The following WWP1 variants were observed in gnomAD, a reference collection of about 807,000 sequenced individuals.
WWP1 encodes the protein WW domain containing E3 ubiquitin protein ligase 1.
In WWP1, 49 loss-of-function variants were observed where a neutral mutation model predicts 130.6. The observed-to-expected ratio is 0.38, with a 90% CI of 0.30 to 0.48. The LOEUF (loss-of-function observed/expected upper bound fraction) is 0.48. Among genes scored for constraint, WWP1 ranks in the 20% least tolerant of loss-of-function variants. WWP1 has a pLI of 0.99. For synonymous variants in WWP1, 332 were observed against 367.8 expected (o/e 0.90, Z 1.11); for missense variants, 809 against 1,100.6 (o/e 0.74, Z 3.75).
intron 9 of WWP1, among the ~76,000 whole-genome samples, chr8:86,414,300 CAG>C (rs545694554): frequency 5.1e-4 from 77 of 151,872 alleles, no homozygotes; most frequent in South Asian, 3.1e-3. Context: ...CTGGTATACA[CAG>C]AGATATTTAT....
chr8:86,369,955 T>C (rs1283693512), intron 2 of WWP1, among the ~76,000 whole-genome samples: 1 of 152,024 alleles, frequency 6.6e-6, no homozygotes, highest in East Asian at 1.9e-4. Flanking sequence ...ATGTAACATA[T>C]GCAAGTCAAT....
At chr8:86,388,873 A>G (rs1385734525) in intron 5 of WWP1, among the ~76,000 whole-genome samples, 2 of 152,018 alleles carry the variant, frequency 1.3e-5, no homozygotes, top group Admixed American at 6.5e-5. Flanking sequence ...TTGCTTTTTA[A>G]TTTTATATTC....
intron 12 of WWP1, among the ~76,000 whole-genome samples, 188 bp downstream of exon 12, chr8:86,430,939 A>C (rs530360650): frequency 2.7e-3 from 386 of 140,684 alleles, no homozygotes; most frequent in African/African-American, 9.4e-3. Flanking sequence ...TCTATATATT[A>C]TATATTCTGT....
intron 3 of WWP1, among the ~76,000 whole-genome samples, chr8:86,380,339 A>G (rs1402064798): frequency 2.0e-5 from 3 of 151,776 alleles, no homozygotes; most frequent in African/African-American, 7.3e-5. Context: ...GTGGCTGCCT[A>G]GGGATGGGGG....
At chr8:86,377,929 A>T (rs139382408) in intron 3 of WWP1, among the ~76,000 whole-genome samples, 2 of 152,272 alleles carry the variant, frequency 1.3e-5, no homozygotes, top group East Asian at 3.9e-4. Context: ...TGTGAATTAT[A>T]GACTTCATTC....
Position 86,402,078 on chromosome 8 carries a change from A to G in WWP1, c.599A>G (p.Gln200Arg), listed in dbSNP as rs757693639. Residue 200 changes from glutamine to arginine, a missense_variant, in exon 8 of 25, where the codon CAA becomes CGA. This residue lies in a region of WWP1 where 262 missense variants were observed against 346.0 expected (regional missense o/e 0.76). Transcript: ENST00000517970. ...CATGTACCTACAAGCACTCTAGTCCAAAACTCATGCTGCTCGTATGTAGTT... is the reference window on the plus strand; with the variant it reads ...CATGTACCTACAAGCACTCTAGTCCGAAACTCATGCTGCTCGTATGTAGTT... Reference protein sequence around the residue: ...DNHVPTSTLVQNSCCSYVVNG... With the variant: ...DNHVPTSTLVRNSCCSYVVNG... 7 of 1,614,100 alleles carry G rather than the reference A, an allele frequency of 4.3e-6. No individual in the cohort carries two copies. Among genetic ancestry groups the G allele is most frequent in the Non-Finnish European group, 5.9e-6 (7 of 1,179,980 alleles).
At chr8:86,423,976 CTTA>C (rs1337276594) in intron 9 of WWP1, among the ~76,000 whole-genome samples, 11 of 3,348 alleles carry the variant, frequency 3.3e-3, no homozygotes, top group Non-Finnish European at 7.7e-3. Context: ...TAAGTTAGCG[CTTA>C]TGGGGCTGCC....
chr8:86,449,488 T>C (rs1443583010), intron 20 of WWP1, among the ~76,000 whole-genome samples: 1 of 152,240 alleles, frequency 6.6e-6, no homozygotes, highest in African/African-American at 2.4e-5. Context: ...TTTGTATAAT[T>C]TTCATGTCCC....
intron 3 of WWP1, among the ~76,000 whole-genome samples, chr8:86,376,974 G>A (rs1824692624): frequency 6.6e-6 from 1 of 152,178 alleles, no homozygotes. Flanking sequence ...TTGTCAGTGA[G>A]GACACTGAGA....
chr8:86,405,209 T>C (rs1461108486), intron 8 of WWP1: 2 of 152,212 alleles, frequency 1.3e-5, no homozygotes, highest in Non-Finnish European at 2.9e-5. Flanking sequence ...TTTCAAAAAT[T>C]AGCTTTTGTT....
In WWP1 at chr8:86,407,340, C is replaced by A. The variant is rs1434618798; in HGVS notation, c.725-4198C>A. Reference sequence around the variant, plus strand: ...TGCAACTACCATAGGCTGCACACTGCCAGGTGGATGGGCACATAGGTATCA... The same window carrying A: ...TGCAACTACCATAGGCTGCACACTGACAGGTGGATGGGCACATAGGTATCA... On this transcript the variant is annotated intron_variant, in intron 8 of 24. Coordinates refer to ENST00000517970, the MANE Select transcript of WWP1 (RefSeq NM_007013.4). Among the ~76,000 whole-genome samples the A allele has an allele frequency of 1.1e-4, 17 of 152,216 alleles. No homozygotes were observed. In the East Asian group the frequency reaches 3.1e-3, roughly 28 times the overall value.
intron 21 of WWP1, among the ~76,000 whole-genome samples, chr8:86,457,039 T>C (rs1811485537): frequency 6.6e-6 from 1 of 151,998 alleles, no homozygotes; most frequent in Non-Finnish European, 1.5e-5. Flanking sequence ...AAATATTCTA[T>C]ATCTTGATTG....
chr8:86,410,044 T>C (rs1808500466), intron 8 of WWP1, among the ~76,000 whole-genome samples: 1 of 152,190 alleles, frequency 6.6e-6, no homozygotes, highest in South Asian at 2.1e-4. Flanking sequence ...TTTAATCTGC[T>C]AACAGTAGAT....
Position 86,426,652 on chromosome 8 carries a change from A to G in WWP1, c.1158-991A>G, listed in dbSNP as rs369731154. 5.3e-5 allele frequency among the ~76,000 whole-genome samples: 8 copies of G among 152,328 alleles called. No individual in the cohort carries two copies. In the East Asian group the frequency reaches 9.6e-4, roughly 18 times the overall value. ...GGAAATGAGGCTGAAAATGTGGACAATTCATTTTTATGCCATGCCAGTGAG... is the reference window on the plus strand; with the variant it reads ...GGAAATGAGGCTGAAAATGTGGACAGTTCATTTTTATGCCATGCCAGTGAG... On this transcript the variant is annotated intron_variant, in intron 10 of 24. Coordinates refer to ENST00000517970, the MANE Select transcript of WWP1 (RefSeq NM_007013.4).
intron 3 of WWP1, among the ~76,000 whole-genome samples, chr8:86,379,849 A>G (rs1216051621): frequency 1.3e-5 from 2 of 152,170 alleles, no homozygotes; most frequent in Non-Finnish European, 2.9e-5. Flanking sequence ...GAATCTGAAG[A>G]CACTTTTCCC....
chr8:86,351,487 C>T (rs961813371), intron 1 of WWP1, among the ~76,000 whole-genome samples: 1 of 151,812 alleles, frequency 6.6e-6, no homozygotes, highest in Admixed American at 6.6e-5. Flanking sequence ...TACAGTTACG[C>T]ACTAACATGC....
chr8:86,357,169 T>G (rs1181275590), intron 1 of WWP1, among the ~76,000 whole-genome samples: 2 of 152,216 alleles, frequency 1.3e-5, no homozygotes, highest in African/African-American at 4.8e-5. Context: ...CTAAAAATTA[T>G]CAATATGTTC....
chr8:86,432,253 CT>C (rs1810021309), intron 14 of WWP1, among the ~76,000 whole-genome samples: 1 of 152,166 alleles, frequency 6.6e-6, no homozygotes, highest in African/African-American at 2.4e-5. Flanking sequence ...CATTCTTACT[CT>C]AAGGTGTCAT....
intron 22 of WWP1, among the ~76,000 whole-genome samples, chr8:86,458,541 T>C (rs550544901): frequency 2.0e-5 from 3 of 152,334 alleles, no homozygotes; most frequent in Admixed American, 2.0e-4. Flanking sequence ...ACCACACTAA[T>C]CTTGAACATT....
Sources: gnomAD v4.1 joint callset for allele counts (sites outside exome capture counted in the v4.1 genomes callset) on GRCh38, gnomAD v4.1.1 for gene constraint, gnomAD v4.1.1 regional missense constraint, MANE v1.5 for transcripts, NCBI Gene and HGNC (gene_info 2026-07-23, HGNC 2026-07-21) for gene names.